The following RIPOR2 variants were observed in gnomAD, a reference collection of about 807,000 sequenced individuals.
RIPOR2 encodes rho family-interacting cell polarization regulator 2.
Under a neutral mutation model 114.5 loss-of-function variants are expected in RIPOR2, and 39 were observed. The ratio of observed to expected loss-of-function variants is 0.34; its 90% confidence interval spans 0.26 to 0.44. The LOEUF is 0.44. Ranked by LOEUF, RIPOR2 falls within the 20% of genes least tolerant of loss-of-function variation. RIPOR2 has a pLI of 1.00. For synonymous variants in RIPOR2, 445 were observed against 484.4 expected, an observed-to-expected ratio of 0.92 and a Z score of 1.07; for missense variants, 1,007 against 1,255.1, an observed-to-expected ratio of 0.80 and a Z score of 2.99.
intron 6 of RIPOR2, 134 bp downstream of exon 6, chr6:24,868,960 C>T (rs1377592569): frequency 2.0e-5 from 11 of 541,164 alleles, no homozygotes; most frequent in South Asian, 5.7e-5. Flanking sequence ...CACTTGATGA[C>T]GTAATTGCTA....
chr6:24,865,202 G>T, intron 7 of RIPOR2, 99 bp downstream of exon 7: 1 of 945,302 alleles, frequency 1.1e-6, no homozygotes, highest in Non-Finnish European at 1.6e-6. Flanking sequence ...AGGGTGGAAT[G>T]AGGTTGTGGG....
At chr6:24,866,691 C>G (rs1353782034) in intron 6 of RIPOR2, among the ~76,000 whole-genome samples, 1 of 151,898 alleles carries the variant, frequency 6.6e-6, no homozygotes, top group Non-Finnish European at 1.5e-5. Context: ...TGATATTTAT[C>G]TCTATAAGTC....
intron 1 of RIPOR2, among the ~76,000 whole-genome samples, chr6:25,039,763 A>T (rs1777389372): frequency 1.3e-5 from 2 of 152,234 alleles, no homozygotes; most frequent in Non-Finnish European, 2.9e-5. Flanking sequence ...TCCTACAGAT[A>T]TAGAATGAAG....
At chr6:25,020,824 T>C (rs749063570) in intron 1 of RIPOR2, among the ~76,000 whole-genome samples, 4 of 152,206 alleles carry the variant, frequency 2.6e-5, no homozygotes, top group Non-Finnish European at 5.9e-5. Flanking sequence ...GGAAGCTCTT[T>C]GGGGACAAGG....
chr6:24,904,585 G>A (rs1768783503), intron 1 of RIPOR2, among the ~76,000 whole-genome samples: 1 of 152,224 alleles, frequency 6.6e-6, no homozygotes, highest in Non-Finnish European at 1.5e-5. Flanking sequence ...ATTAGGACAT[G>A]GACATCTTTG....
At chr6:24,873,077 G>T (rs565260234) in intron 3 of RIPOR2, 118 bp from the exon 4 acceptor site, 13 of 674,326 alleles carry the variant, frequency 1.9e-5, no homozygotes, top group Middle Eastern at 6.2e-4. Flanking sequence ...TCTGTAGTTG[G>T]GCAGGAGGCT....
intron 1 of RIPOR2, among the ~76,000 whole-genome samples, chr6:24,930,628 C>T (rs943276150): frequency 2.0e-5 from 3 of 152,188 alleles, no homozygotes; most frequent in Non-Finnish European, 4.4e-5. Context: ...TGCAGTAATC[C>T]AAGGCAGAGG....
intron 1 of RIPOR2, among the ~76,000 whole-genome samples, chr6:24,944,611 C>T (rs9467355): frequency 0.31 from 47,078 of 152,010 alleles, 7,999 homozygotes; most frequent in Middle Eastern, 0.4. Context: ...AATAAACAAT[C>T]AATAGGAAGT....
intron 1 of RIPOR2, among the ~76,000 whole-genome samples, chr6:24,943,989 T>G (rs370748): frequency 0.17 from 26,392 of 152,032 alleles, 2,460 homozygotes; most frequent in East Asian, 0.34. Context: ...GCCGCCTAAG[T>G]CAGTGGATTA....
intron 1 of RIPOR2, among the ~76,000 whole-genome samples, chr6:24,925,631 G>A (rs919667100): frequency 1.3e-5 from 2 of 152,068 alleles, no homozygotes; most frequent in Non-Finnish European, 2.9e-5. Flanking sequence ...GAACCCAGGA[G>A]GCGGAGGTTG....
intron 1 of RIPOR2, among the ~76,000 whole-genome samples, chr6:25,040,378 A>G (rs1000622870): frequency 3.3e-5 from 5 of 151,968 alleles, no homozygotes; most frequent in Admixed American, 3.3e-4. Context: ...GGCCTCCCAA[A>G]GTGTTGGAAT....
Position 24,955,836 on chromosome 6 carries a change from C to G in RIPOR2, c.77-80019G>C, listed in dbSNP as rs1242348673. On this transcript the variant is annotated intron_variant, in intron 1 of 13. Transcript: ENST00000510784. Reference sequence around the variant, plus strand: ...CCTGGCCAACATGATGAAACCCTGTCTCTACTAAAAATACAAAAAAATATT... The same window carrying G: ...CCTGGCCAACATGATGAAACCCTGTGTCTACTAAAAATACAAAAAAATATT... 2.0e-5 allele frequency among the ~76,000 whole-genome samples: 3 copies of G among 151,748 alleles called. No individual in the cohort carries two copies. In the East Asian group the frequency reaches 5.8e-4, roughly 29 times the overall value.
At chr6:24,821,235 T>A (rs1192529811) in intron 19 of RIPOR2, among the ~76,000 whole-genome samples, 16 of 143,820 alleles carry the variant, frequency 1.1e-4, no homozygotes, top group African/African-American at 3.9e-4. Flanking sequence ...CAGGCTGGAG[T>A]GCAATGGTGC....
chr6:25,023,315 TTGA>T, intron 1 of RIPOR2: 1 of 785,992 alleles, frequency 1.3e-6, no homozygotes, highest in Non-Finnish European at 2.3e-6. Flanking sequence ...GGAATTGATG[TTGA>T]TGAACCCGGT....
chr6:24,808,290 A>C (rs530919345), intron 21 of RIPOR2, among the ~76,000 whole-genome samples: 7 of 152,214 alleles, frequency 4.6e-5, no homozygotes, highest in Admixed American at 1.3e-4. Context: ...TTACACTGGA[A>C]ATAGAAGCTT....
intron 6 of RIPOR2, among the ~76,000 whole-genome samples, chr6:24,867,111 G>T (rs916897954): frequency 1.3e-5 from 2 of 152,210 alleles, no homozygotes; most frequent in Non-Finnish European, 2.9e-5. Flanking sequence ...AGGATTCTTT[G>T]TTGCTATTTA....
chr6:24,885,747 A>G (rs1766780713), intron 1 of RIPOR2, among the ~76,000 whole-genome samples: 1 of 147,906 alleles, frequency 6.8e-6, no homozygotes, highest in African/African-American at 2.6e-5. Flanking sequence ...GATAATATAC[A>G]TAAGACCTGG....
chr6:24,867,265 G>T (rs1207378943), intron 6 of RIPOR2, among the ~76,000 whole-genome samples: 2 of 152,206 alleles, frequency 1.3e-5, no homozygotes, highest in African/African-American at 4.8e-5. Context: ...GACATCTTTT[G>T]GTTGATGGTT....
chr6:25,023,434 G>A (rs1167842361), intron 1 of RIPOR2: 5 of 766,450 alleles, frequency 6.5e-6, no homozygotes, highest in Non-Finnish European at 1.2e-5. Context: ...GGCCCTTGAG[G>A]ACGGACACCT....
Sources: allele counts gnomAD v4.1 joint callset (sites outside exome capture counted in the v4.1 genomes callset), GRCh38; gene constraint gnomAD v4.1.1; transcripts MANE v1.5; gene names NCBI Gene and HGNC (gene_info 2026-07-23, HGNC 2026-07-21).